Variants in AKAP10 observed in about 807,000 individuals in gnomAD.
The protein encoded by AKAP10 is A-kinase anchor protein 10, mitochondrial.
AKAP10 carries 24 observed loss-of-function variants against 80.8 expected under a neutral mutation model. That is an observed-to-expected ratio of 0.30 (90% CI 0.22 to 0.42). AKAP10 has a LOEUF of 0.42. Ranked by LOEUF, AKAP10 falls within the 10% of genes least tolerant of loss-of-function variation. The pLI is 1.00. For synonymous variants in AKAP10, 291 were observed against 277.7 expected, an observed-to-expected ratio of 1.05 and a Z score of -0.48; for missense variants, 661 against 794.9, an observed-to-expected ratio of 0.83 and a Z score of 2.03.
chr17:19,944,810 G>GGTAGT (rs2043086267), intron 5 of AKAP10, among the ~76,000 whole-genome samples: 1 of 152,154 alleles, frequency 6.6e-6, no homozygotes, highest in Non-Finnish European at 1.5e-5. Flanking sequence ...AGATGAAGGA[G>GGTAGT]GTAGTGCAAG....
At chr17:19,935,555 A>G (rs1938573987) in intron 9 of AKAP10, among the ~76,000 whole-genome samples, 1 of 152,154 alleles carries the variant, frequency 6.6e-6, no homozygotes, top group South Asian at 2.1e-4. Context: ...ACAAACATAT[A>G]CAGCTGTACA....
At position 19,919,793 on chromosome 17, in the gene AKAP10, C is replaced by G. The variant is rs144729668; in HGVS notation, c.1834+243G>C. On this transcript the variant is annotated intron_variant, in intron 12 of 14. Transcript: ENST00000225737. Reference sequence around the variant, plus strand: ...CCATTAAATAAGAAAATAGACAATGCTTTTTCATATTCATGTGCCTTCTGG... The same window carrying G: ...CCATTAAATAAGAAAATAGACAATGGTTTTTCATATTCATGTGCCTTCTGG... Among the ~76,000 whole-genome samples, 714 of 152,230 alleles carry G rather than the reference C, an allele frequency of 4.7e-3. 11 individuals are homozygous for G. Among genetic ancestry groups the G allele is most frequent in the African/African-American group, 0.016 (670 of 41,552 alleles).
At chr17:19,968,586 T>TG (rs1252543472) in intron 1 of AKAP10, 125 bp from the exon 2 acceptor site, 5 of 753,954 alleles carry the variant, frequency 6.6e-6, no homozygotes, top group Non-Finnish European at 1.1e-5. Flanking sequence ...TGGACAGCCT[T>TG]GGAGGAGGGC....
Position 19,958,187 on chromosome 17 carries a change from T to G in AKAP10, c.704A>C (p.His235Pro), listed in dbSNP as rs1333248424. The G allele has an allele frequency of 6.2e-7, 1 of 1,614,198 alleles. No homozygotes were observed. Among genetic ancestry groups the G allele is most frequent in the South Asian group, 1.1e-5 (1 of 91,086 alleles). ...LNNRTNSTQN[H>P]LLLSQECDSA... ...GTCACATTCCTGGGAAAGCAGCAAG[T>G]GATTCTGAGTGCTGTTAGTTCTATT... Residue 235 changes from histidine (H) to proline (P), a missense_variant, in exon 4 of 15, where the codon CAC (histidine) becomes CCC (proline). By Grantham distance (77) the His-to-Pro change is moderately conservative. Transcript: ENST00000225737.
intron 12 of AKAP10, among the ~76,000 whole-genome samples, chr17:19,918,406 C>T (rs1435369375): frequency 2.6e-5 from 4 of 151,966 alleles, no homozygotes; most frequent in African/African-American, 4.8e-5. Context: ...TTAGCCATGG[C>T]GCCTGTAATC....
intron 12 of AKAP10, among the ~76,000 whole-genome samples, chr17:19,913,449 G>A (rs551651314): frequency 6.6e-6 from 1 of 152,226 alleles, no homozygotes; most frequent in South Asian, 2.1e-4. Context: ...ACCACGCCCG[G>A]CCCTAATTGT....
chr17:19,942,155 A>C (rs2152414642), intron 5 of AKAP10, among the ~76,000 whole-genome samples: 1 of 152,352 alleles, frequency 6.6e-6, no homozygotes, highest in Middle Eastern at 3.4e-3. Context: ...CCCTCCAAAA[A>C]CAAAATACAA....
intron 12 of AKAP10, among the ~76,000 whole-genome samples, chr17:19,913,239 C>G (rs541172123): frequency 6.6e-6 from 1 of 151,304 alleles, no homozygotes; most frequent in South Asian, 2.1e-4. Context: ...TTGCAACCTC[C>G]GCCTCCCGGG....
At chr17:19,961,329 G>A (rs1262701292) in intron 3 of AKAP10, among the ~76,000 whole-genome samples, 4 of 151,516 alleles carry the variant, frequency 2.6e-5, no homozygotes, top group South Asian at 2.1e-4. Flanking sequence ...TCCAGCCTGC[G>A]CAACAGAGTG....
At chr17:19,920,964 T>A (rs538972322) in intron 11 of AKAP10, among the ~76,000 whole-genome samples, 2 of 151,434 alleles carry the variant, frequency 1.3e-5, no homozygotes, top group East Asian at 3.9e-4. Context: ...AGAATCTTTT[T>A]TTTTTTTTGA....
chr17:19,920,215 G>T, intron 11 of AKAP10, 97 bp from the exon 12 acceptor site: 1 of 873,044 alleles, frequency 1.1e-6, no homozygotes, highest in Non-Finnish European at 1.8e-6. Context: ...AATCTAGAAA[G>T]CCAGAAACAC....
At chr17:19,940,855 G>C in intron 7 of AKAP10, 32 bp downstream of exon 7, 1 of 1,569,662 alleles carries the variant, frequency 6.4e-7, no homozygotes, top group East Asian at 2.3e-5. Context: ...TGGAATGCTC[G>C]AATAGAGTGT....
chr17:19,956,180 A>T (rs2043273563), intron 4 of AKAP10, among the ~76,000 whole-genome samples: 1 of 152,200 alleles, frequency 6.6e-6, no homozygotes, highest in Admixed American at 6.5e-5. Flanking sequence ...GATCAGTACG[A>T]GCACCCAAGA....
At chr17:19,941,170 T>G (rs1279489370) in intron 6 of AKAP10, among the ~76,000 whole-genome samples, 160 bp from the exon 7 acceptor site, 3 of 152,258 alleles carry the variant, frequency 2.0e-5, no homozygotes, top group Non-Finnish European at 4.4e-5. Context: ...TACCTGTATG[T>G]AATCTCTCCC....
At chr17:19,946,239 A>T (rs7503012) in intron 5 of AKAP10, among the ~76,000 whole-genome samples, 513 of 7,698 alleles carry the variant, frequency 0.067, 15 homozygotes, top group East Asian at 0.17. Context: ...TATATATATT[A>T]TATATATATA....
intron 4 of AKAP10, among the ~76,000 whole-genome samples, chr17:19,952,017 G>A (rs2043221606): frequency 6.7e-6 from 1 of 149,230 alleles, no homozygotes; most frequent in Non-Finnish European, 1.5e-5. Context: ...ATTATTATGA[G>A]TAATATAATT....
At chr17:19,912,905 T>C (rs2042705633) in intron 12 of AKAP10, among the ~76,000 whole-genome samples, 1 of 152,050 alleles carries the variant, frequency 6.6e-6, no homozygotes, top group African/African-American at 2.4e-5. Flanking sequence ...CAAAGCCCTG[T>C]AGTTGCTACT....
At chr17:19,915,548 T>C (rs996806283) in intron 12 of AKAP10, among the ~76,000 whole-genome samples, 3 of 152,318 alleles carry the variant, frequency 2.0e-5, no homozygotes, top group African/African-American at 7.2e-5. Flanking sequence ...TAAAGAGACA[T>C]CTGGACAACT....
Position 19,931,649 on chromosome 17 carries a change from C to A in AKAP10, c.1641+156G>T, listed in dbSNP as rs139197747. 2.5e-3 allele frequency among the ~76,000 whole-genome samples: 386 copies of A among 152,222 alleles called. 1 individual carries two copies. Among genetic ancestry groups the A allele is most frequent in the African/African-American group, 8.8e-3 (365 of 41,536 alleles). On this transcript the variant is annotated intron_variant, in intron 10 of 14. Coordinates refer to ENST00000225737, the MANE Select transcript of AKAP10 (RefSeq NM_007202.4). ...CGTGTGATCCGCCCACCGCAGCCTC[C>A]CAAAGTGCTGGGATTACAGGCACAG...
Sources: allele counts gnomAD v4.1 joint callset (sites outside exome capture counted in the v4.1 genomes callset), GRCh38; gene constraint gnomAD v4.1.1; transcripts MANE v1.5; gene names NCBI Gene and HGNC (gene_info 2026-07-23, HGNC 2026-07-21).